The following IZUMO1R variants were observed in gnomAD, a reference collection of about 807,000 sequenced individuals.
The protein encoded by IZUMO1R is sperm-egg fusion protein Juno.
IZUMO1R carries 24 observed loss-of-function variants against 22.1 expected under a neutral mutation model. The observed-to-expected ratio is 1.09, with a 90% CI of 0.79 to 1.53. IZUMO1R has a LOEUF of 1.53. IZUMO1R is among the 40% of genes most tolerant of loss of function. The pLI, the probability that IZUMO1R is intolerant of heterozygous loss-of-function variation, is 0.00. For synonymous variants in IZUMO1R, 133 were observed against 121.2 expected, an observed-to-expected ratio of 1.10 and a Z score of -0.64; for missense variants, 308 against 314.9, an observed-to-expected ratio of 0.98 and a Z score of 0.17.
At chr11:94,305,382 T>C (rs1371306139) in intron 1 of IZUMO1R, among the ~76,000 whole-genome samples, 1 of 152,210 alleles carries the variant, frequency 6.6e-6, no homozygotes, top group East Asian at 1.9e-4. Context: ...ATCTGACTCA[T>C]GCCTCGGCAT....
At chr11:94,307,034 G>A in intron 3 of IZUMO1R, 131 bp from the exon 4 acceptor site, 1 of 1,124,902 alleles carries the variant, frequency 8.9e-7, no homozygotes, top group Non-Finnish European at 1.3e-6. Context: ...GGTATTATTT[G>A]TAAAATAACA....
At position 94,307,185 on chromosome 11, in the gene IZUMO1R, A is replaced by G. The variant is rs1330473767; in HGVS notation, c.369A>G (p.Gly123=). The G allele has an allele frequency of 1.2e-6, 2 of 1,600,010 alleles. No individual in the cohort carries two copies. The highest frequency in any genetic ancestry group is 3.5e-5 in the Admixed American group (2 of 57,454). The change falls in exon 4 of 5, where the codon GGA becomes GGG. Residue 123 remains glycine (G), a synonymous_variant. Coordinates refer to ENST00000687084, the MANE Select transcript of IZUMO1R (RefSeq NM_001199206.4). The part of the protein sequence containing the change: ...LGWEVAPSGQ[G]ERVVNVPLCQ... ...CCCAGGTGGCCCCGAGTGGGCAGGG[A>G]GAGCGAGTTGTGAATGTGCCGCTGT...
At position 94,304,836 on chromosome 11, in the gene IZUMO1R, G is replaced by T. The variant is rs1475563927; in HGVS notation, c.-50G>T. Among the ~76,000 whole-genome samples the T allele has an allele frequency of 6.6e-6, 1 of 152,176 alleles. No individual in the cohort carries two copies. The highest frequency in any genetic ancestry group is 2.4e-5 in the African/African-American group (1 of 41,440). Reference sequence around the variant, plus strand: ...AACTCCCCTCAGCCTCATAGTCTCAGGGGGAGGAGGGAGCAGGAGCACCTG... The same window carrying T: ...AACTCCCCTCAGCCTCATAGTCTCATGGGGAGGAGGGAGCAGGAGCACCTG... On this transcript the variant is annotated 5_prime_UTR_variant, in exon 1 of 5. In the 5' UTR this introduces an upstream ATG that the reference lacks. Transcript: ENST00000687084.
intron 1 of IZUMO1R, among the ~76,000 whole-genome samples, 183 bp downstream of exon 1, chr11:94,305,062 G>C (rs1944001196): frequency 6.6e-6 from 1 of 152,128 alleles, no homozygotes; most frequent in African/African-American, 2.4e-5. Context: ...TCTTCCCCAG[G>C]ATGTTTGAGG....
Position 94,305,626 on chromosome 11 carries a change from T to G in IZUMO1R, c.-6-5T>G. 1 of 1,612,398 alleles carries G rather than the reference T, an allele frequency of 6.2e-7. No homozygotes were observed. The highest frequency in any genetic ancestry group is 1.1e-5 in the South Asian group (1 of 90,938). On this transcript the variant is annotated splice_region_variant and splice_polypyrimidine_tract_variant and intron_variant, in intron 1 of 4. Coordinates refer to ENST00000687084, the MANE Select transcript of IZUMO1R (RefSeq NM_001199206.4). Reference sequence around the variant, plus strand: ...ATCAAGTGTGCAGCATGGGTCTCTCTGTAGCAGGCCATGGCATGCTGGTGG... The same window carrying G: ...ATCAAGTGTGCAGCATGGGTCTCTCGGTAGCAGGCCATGGCATGCTGGTGG...
intron 1 of IZUMO1R, 70 bp from the exon 2 acceptor site, chr11:94,305,561 G>GC: frequency 6.4e-7 from 1 of 1,568,240 alleles, no homozygotes. Context: ...CTTTCCCAGT[G>GC]CCTGCTATGA....
intron 1 of IZUMO1R, 51 bp from the exon 2 acceptor site, chr11:94,305,580 G>A (rs1425136244): frequency 3.3e-5 from 53 of 1,600,256 alleles, no homozygotes; most frequent in East Asian, 9.0e-5. Context: ...GATGAAGGGG[G>A]TGGAGTGGGG....
chr11:94,307,058 TG>T (rs1380685020), intron 3 of IZUMO1R, 106 bp from the exon 4 acceptor site: 1 of 1,286,676 alleles, frequency 7.8e-7, no homozygotes, highest in African/African-American at 1.5e-5. Flanking sequence ...AGAGGCTTTA[TG>T]GAAGATGATG....
chr11:94,304,903 A>T (rs923661630), intron 1 of IZUMO1R, among the ~76,000 whole-genome samples, 24 bp downstream of exon 1: 11 of 152,162 alleles, frequency 7.2e-5, no homozygotes, highest in African/African-American at 2.4e-4. Flanking sequence ...GAGTGCTGGA[A>T]GGGGCAGCAT....
Position 94,307,414 on chromosome 11 carries a change from TC to T in IZUMO1R, c.485-6del, listed in dbSNP as rs1565420273. 6.2e-7 allele frequency: 1 copy of T among 1,613,628 alleles called. No homozygotes were observed. On this transcript the variant is annotated splice_polypyrimidine_tract_variant and intron_variant, in intron 4 of 4. Transcript: ENST00000687084. ...TAGGAGGTAAGCTGTCCCTCCTCCA[TC>T]CCCTGCAGGGAAGAACCGCTGCCCC...
chr11:94,307,752 C>T lies in IZUMO1R; in HGVS notation c.*60C>T, dbSNP rs1944038620. On this transcript the variant is annotated 3_prime_UTR_variant, in exon 5 of 5. Transcript: ENST00000687084. ...CCACCAACTGTGGGTCAGGCCAGGC[C>T]ATGGCCTACCTCCTTCCTCAGGCCC... is the stretch of plus-strand genomic sequence containing the variant. 2.5e-6 allele frequency: 4 copies of T among 1,573,120 alleles called. No individual in the cohort carries two copies. The highest frequency in any genetic ancestry group is 3.5e-6 in the Non-Finnish European group (4 of 1,152,300).
Position 94,305,742 on chromosome 11 carries a change from G to A in IZUMO1R, c.106G>A (p.Val36Met), listed in dbSNP as rs774406340. 2 of 1,613,280 alleles carry A rather than the reference G, an allele frequency of 1.2e-6. No individual in the cohort carries two copies. The highest frequency in any genetic ancestry group is 1.7e-6 in the Non-Finnish European group (2 of 1,179,760). ...ICMNAKHHKR[V>M]PSPEDKLYEE... ...CATGAATGCCAAACACCACAAGAGAGTGCCCAGCCCAGAAGACAAGCTCTA... is the reference window on the plus strand; with the variant it reads ...CATGAATGCCAAACACCACAAGAGAATGCCCAGCCCAGAAGACAAGCTCTA... Residue 36 changes from valine (V) to methionine (M), a missense_variant, in exon 2 of 5, where the codon GTG becomes ATG. Transcript: ENST00000687084.
intron 3 of IZUMO1R, among the ~76,000 whole-genome samples, 175 bp downstream of exon 3, chr11:94,306,897 A>G (rs997137727): frequency 5.3e-5 from 8 of 152,134 alleles, no homozygotes; most frequent in African/African-American, 1.9e-4. Flanking sequence ...CTGTTCTGAC[A>G]ACAGTGGGAT....
chr11:94,306,331 G>T (rs538149045), intron 2 of IZUMO1R, among the ~76,000 whole-genome samples, 182 bp from the exon 3 acceptor site: 3 of 152,204 alleles, frequency 2.0e-5, no homozygotes, highest in African/African-American at 7.2e-5. Flanking sequence ...AGGTGCCTCT[G>T]CCCTTTGGGT....
chr11:94,304,871 G>A lies in IZUMO1R; in HGVS notation c.-15G>A, dbSNP rs1358473756. Among the ~76,000 whole-genome samples the A allele has an allele frequency of 6.6e-6, 1 of 152,184 alleles. No individual in the cohort carries two copies. Among genetic ancestry groups the A allele is most frequent in the Admixed American group, 6.5e-5 (1 of 15,280 alleles). ...GGAGCAGGAGCACCTGAAGGCTCCT[G>A]CCTTGAAAGTGAGTATGAAGAGAGT... On this transcript the variant is annotated 5_prime_UTR_variant, in exon 1 of 5. Transcript: ENST00000687084.
intron 3 of IZUMO1R, among the ~76,000 whole-genome samples, 200 bp from the exon 4 acceptor site, chr11:94,306,965 T>C (rs1009483424): frequency 2.6e-5 from 4 of 152,258 alleles, no homozygotes; most frequent in South Asian, 2.1e-4. Context: ...TTCAGTCTCA[T>C]GTTCTGTCCC....
In IZUMO1R at chr11:94,307,468, C is replaced by T. The variant is rs770632921; in HGVS notation, c.529C>T (p.His177Tyr). 1.2e-6 allele frequency: 2 copies of T among 1,613,840 alleles called. No homozygotes were observed. The highest frequency in any genetic ancestry group is 1.7e-6 in the Non-Finnish European group (2 of 1,179,902). Residue 177 changes from histidine to tyrosine, a missense_variant, in exon 5 of 5, where the codon CAT (histidine) becomes TAT (tyrosine). Transcript: ENST00000687084. ...AGGGGCCCAGTGCCTCCCTTTCTCC[C>T]ATTACTTCCCCACCCCAGCTGACCT... ...PKGAQCLPFSHYFPTPADLCE... is the reference protein window; with the variant it reads ...PKGAQCLPFSYYFPTPADLCE...
chr11:94,305,728 A>G lies in IZUMO1R; in HGVS notation c.92A>G (p.Lys31Arg). ...DELLNICMNA[K>R]HHKRVPSPED... ...CTGCTCAACATCTGCATGAATGCCAAACACCACAAGAGAGTGCCCAGCCCA... is the reference window on the plus strand; with the variant it reads ...CTGCTCAACATCTGCATGAATGCCAGACACCACAAGAGAGTGCCCAGCCCA... Residue 31 changes from lysine to arginine, a missense_variant, in exon 2 of 5, where the codon AAA becomes AGA. Coordinates refer to ENST00000687084, the MANE Select transcript of IZUMO1R (RefSeq NM_001199206.4). The G allele has an allele frequency of 6.2e-7, 1 of 1,613,452 alleles. No homozygotes were observed. The highest frequency in any genetic ancestry group is 8.5e-7 in the Non-Finnish European group (1 of 1,179,760).
At chr11:94,305,849 C>A in intron 2 of IZUMO1R, 75 bp downstream of exon 2, 3 of 1,511,184 alleles carry the variant, frequency 2.0e-6, no homozygotes, top group Non-Finnish European at 1.8e-6. Flanking sequence ...GTCTCCGAAC[C>A]TCATCAACCC....
Sources: allele counts gnomAD v4.1 joint callset (sites outside exome capture counted in the v4.1 genomes callset), GRCh38; gene constraint gnomAD v4.1.1; transcripts MANE v1.5; gene names NCBI Gene and HGNC (gene_info 2026-07-23, HGNC 2026-07-21).